Variants in NLRC3 observed in about 807,000 individuals in gnomAD.
The protein encoded by NLRC3 is NLR family CARD domain-containing protein 3.
Under a neutral mutation model 91.6 loss-of-function variants are expected in NLRC3, and 87 were observed. The observed-to-expected ratio is 0.95, with a 90% CI of 0.80 to 1.14. The LOEUF (loss-of-function observed/expected upper bound fraction) is 1.14, where lower values mean the gene tolerates loss of function less well. Among genes scored for constraint, NLRC3 ranks in the 50% most tolerant of loss-of-function variants. The pLI, the probability that NLRC3 is intolerant of heterozygous loss-of-function variation, is 0.00. For synonymous variants in NLRC3, 694 were observed against 625.3 expected, an observed-to-expected ratio of 1.11 and a Z score of -1.64; for missense variants, 1,577 against 1,418.6, an observed-to-expected ratio of 1.11 and a Z score of -1.79.
chr16:3,558,359 C>G (rs1270020716), intron 6 of NLRC3, among the ~76,000 whole-genome samples: 1 of 151,922 alleles, frequency 6.6e-6, no homozygotes, highest in Non-Finnish European at 1.5e-5. Flanking sequence ...AAAACAAATG[C>G]TAGCAAACTG....
At chr16:3,558,526 G>A (rs958634269) in intron 6 of NLRC3, among the ~76,000 whole-genome samples, 2 of 151,794 alleles carry the variant, frequency 1.3e-5, no homozygotes, top group African/African-American at 2.4e-5. Flanking sequence ...CTCTTTTCTA[G>A]TGCAAAATGG....
In NLRC3 at chr16:3,541,661, C is replaced by T. The variant is rs1567453603; in HGVS notation, c.*164G>A. On this transcript the variant is annotated 3_prime_UTR_variant, in exon 20 of 20. Coordinates refer to ENST00000359128, the MANE Select transcript of NLRC3 (RefSeq NM_178844.4). ...CCACTCCTGCAGCAGAAGAGGAGCT[C>T]ACGACCTCCTCCGGCAGCACCTCTC... 1.6e-6 allele frequency: 1 copy of T among 612,058 alleles called. No individual in the cohort carries two copies. The highest frequency in any genetic ancestry group is 2.9e-6 in the Non-Finnish European group (1 of 342,556). 37.9% of individuals were successfully genotyped at this position (612,058 alleles called of 1,614,324 possible).
In NLRC3 at chr16:3,563,231, T is replaced by G; in HGVS notation, c.1706A>C (p.His569Pro). The change falls in exon 5 of 20, where the codon CAC (histidine) becomes CCC (proline). Residue 569 changes from histidine to proline, a missense_variant. Physicochemically the swap from His to Pro is moderately conservative, Grantham distance 77. Coordinates refer to ENST00000359128, the MANE Select transcript of NLRC3 (RefSeq NM_178844.4). ...GGTGTGCTGCAGCTCATGCAGGCAG[T>G]GCAACACGTTGATGGCCCGTGCACA... The part of the protein sequence containing the change: ...AVCARAINVL[H>P]CLHELQHTEL... 6.2e-7 allele frequency: 1 copy of G among 1,604,640 alleles called. No individual in the cohort carries two copies. The highest frequency in any genetic ancestry group is 8.5e-7 in the Non-Finnish European group (1 of 1,177,848).
At chr16:3,575,626 A>G (rs1006328405) in intron 1 of NLRC3, among the ~76,000 whole-genome samples, 1 of 152,206 alleles carries the variant, frequency 6.6e-6, no homozygotes, top group Non-Finnish European at 1.5e-5. Flanking sequence ...GGTGAACCTG[A>G]GGCCTTCCTG....
chr16:3,542,292 G>C lies in NLRC3; in HGVS notation c.3024-18C>G, dbSNP rs1390549901. On this transcript the variant is annotated intron_variant, in intron 18 of 19. Coordinates refer to ENST00000359128, the MANE Select transcript of NLRC3 (RefSeq NM_178844.4). ...CTTGAAGACTAAGTGGAAAAGAGAT[G>C]GAGACACACGGTGAGCCATCAGGGC... 1.4e-6 allele frequency: 2 copies of C among 1,471,294 alleles called. No individual in the cohort carries two copies. The highest frequency in any genetic ancestry group is 1.9e-6 in the Non-Finnish European group (2 of 1,066,222). 91.1% of individuals were successfully genotyped at this position (1,471,294 alleles called of 1,614,324 possible). A position where few individuals can be genotyped will look rare whatever the true frequency, so the allele number is the denominator to read the frequency against.
At chr16:3,549,262 C>T (rs1567128202) in intron 12 of NLRC3, 37 bp from the exon 13 acceptor site, 3 of 1,465,566 alleles carry the variant, frequency 2.0e-6, no homozygotes, top group Non-Finnish European at 1.9e-6. Flanking sequence ...TCTGACCGGG[C>T]AGATGAGGTG....
At chr16:3,544,205 AG>A (rs1156548978) in intron 16 of NLRC3, 40 bp downstream of exon 16, 2 of 1,223,940 alleles carry the variant, frequency 1.6e-6, no homozygotes, top group Non-Finnish European at 2.4e-6. Context: ...AGGATGGCGA[AG>A]GGACCGGTTT....
At position 3,564,703 on chromosome 16, in the gene NLRC3, C is replaced by T. The variant is rs747375398; in HGVS notation, c.234G>A (p.Pro78=). ...GCCTGTGCCAGGGTCCGCCCAGCTC[C>T]GGGCCACCTCCCACCTTGCTCAGCA... ...KALLSKVGGG[P]ELGGPWHRLA... is the part of the protein sequence containing the mutation. Residue 78 remains proline, a synonymous_variant, in exon 5 of 20, where the codon CCG becomes CCA. Transcript: ENST00000359128. The surrounding 1 kb of genome is among the most constrained non-coding windows in gnomAD (Gnocchi z 5.9). 4.4e-6 allele frequency: 7 copies of T among 1,597,996 alleles called. No homozygotes were observed. The highest frequency in any genetic ancestry group is 5.9e-6 in the Non-Finnish European group (7 of 1,177,600).
rs754564709 is a variant in NLRC3, at chr16:3,548,772, G to C, written c.2604-19C>G. 1 of 1,564,630 alleles carries C rather than the reference G, an allele frequency of 6.4e-7. No homozygotes were observed. The highest frequency in any genetic ancestry group is 8.7e-7 in the Non-Finnish European group (1 of 1,148,008). ...TGTCAGGCTAGGAGGAAGGGAACAG[G>C]AGCAAGTGAGCCGGGGGCCGGCTGT... On this transcript the variant is annotated intron_variant, in intron 13 of 19. Transcript: ENST00000359128.
chr16:3,564,432 T>G lies in NLRC3; in HGVS notation c.505A>C (p.Lys169Gln), dbSNP rs371924644. The G allele has an allele frequency of 4.3e-6, 7 of 1,612,646 alleles. No individual in the cohort carries two copies. The African/African-American group carries it at 8.0e-5, about 18-fold the overall frequency. Residue 169 changes from lysine (K) to glutamine (Q), a missense_variant, in exon 5 of 20, where the codon AAG (lysine) becomes CAG (glutamine). By Grantham distance (53) the Lys-to-Gln change is moderately conservative. Coordinates refer to ENST00000359128, the MANE Select transcript of NLRC3 (RefSeq NM_178844.4). This position sits in a 1 kb window ranked among gnomAD's most constrained non-coding sequence, Gnocchi z 5.9. ...AGAGGCAGCACCAGCGAGAAGTCCT[T>G]GCCGACCTGCCCATGGGCCCAGAGG... ...VRLWAHGQVG[K>Q]DFSLVLPLTF...
rs2038540900 is a variant in NLRC3 at position 3,543,815 on chromosome 16, C to T, written c.2856-307G>A. ...GCCCCCAACTGCTAATATCATATTTCCTATATTAGGAAAATCAAACACACC... is the reference window on the plus strand; with the variant it reads ...GCCCCCAACTGCTAATATCATATTTTCTATATTAGGAAAATCAAACACACC... On this transcript the variant is annotated intron_variant, in intron 16 of 19. Transcript: ENST00000359128. 5 of 400,726 alleles carry T rather than the reference C, an allele frequency of 1.2e-5. No individual in the cohort carries two copies. The Admixed American group carries it at 1.5e-4, about 12-fold the overall frequency. The allele number at this position is 400,726 out of a possible 1,614,324, so 24.8% of individuals were successfully genotyped here.
chr16:3,563,866 CG>C lies in NLRC3; in HGVS notation c.1070del (p.Pro357ArgfsTer64). On this transcript the variant is annotated frameshift_variant, in exon 5 of 20. Transcript: ENST00000359128. LOFTEE classifies it high-confidence loss of function. ...ATGAGTAGAGCTCGCACAGGGTCCT[CG>C]GGGGCCACAGCTCTGCATCCTGGGG... ...TGPQDAELWP[P>X]RTLCELYSWY... 1 of 1,603,574 alleles carries C rather than the reference CG, an allele frequency of 6.2e-7. No individual in the cohort carries two copies. The highest frequency in any genetic ancestry group is 2.2e-5 in the East Asian group (1 of 44,760).
intron 14 of NLRC3, 89 bp downstream of exon 14, chr16:3,548,581 C>T: frequency 1.0e-6 from 1 of 1,000,550 alleles, no homozygotes; most frequent in Non-Finnish European, 1.5e-6. Flanking sequence ...TGTCCCCAAA[C>T]CAGGTGTGGC....
At chr16:3,567,650 T>C (rs1432268068) in intron 1 of NLRC3, among the ~76,000 whole-genome samples, 1 of 149,304 alleles carries the variant, frequency 6.7e-6, no homozygotes, top group Non-Finnish European at 1.5e-5. Flanking sequence ...TGGGCGCCTG[T>C]AATCCCAGGT....
In NLRC3 at chr16:3,561,697, G is replaced by A; in HGVS notation, c.2015+5C>T. 1 of 1,606,270 alleles carries A rather than the reference G, an allele frequency of 6.2e-7. No homozygotes were observed. The highest frequency in any genetic ancestry group is 8.5e-7 in the Non-Finnish European group (1 of 1,173,162). Reference sequence around the variant, plus strand: ...CACCCTGGAGGTCCCCTGGGTCTGTGTTACCTGATCTTCTGAATGCGACAG... The same window carrying A: ...CACCCTGGAGGTCCCCTGGGTCTGTATTACCTGATCTTCTGAATGCGACAG... On this transcript the variant is annotated splice_donor_5th_base_variant and intron_variant, in intron 6 of 19. Coordinates refer to ENST00000359128, the MANE Select transcript of NLRC3 (RefSeq NM_178844.4).
rs529565218 is a variant in NLRC3, at chr16:3,577,131, C to T, written c.-169+18G>A. 3 of 703,156 alleles carry T rather than the reference C, an allele frequency of 4.3e-6. No homozygotes were observed. In the South Asian group the frequency reaches 4.4e-5, roughly 10 times the overall value. The allele number at this position is 703,156 out of a possible 1,614,324, so 43.6% of individuals were successfully genotyped here. A position where few individuals can be genotyped will look rare whatever the true frequency, so the allele number is the denominator to read the frequency against. On this transcript the variant is annotated intron_variant, in intron 1 of 19. Coordinates refer to ENST00000359128, the MANE Select transcript of NLRC3 (RefSeq NM_178844.4). Reference sequence around the variant, plus strand: ...TCCCTCCCCTGCCCTGCACTGAGGTCACCTGGACCCAACTTACCTCCCGGG... The same window carrying T: ...TCCCTCCCCTGCCCTGCACTGAGGTTACCTGGACCCAACTTACCTCCCGGG...
intron 1 of NLRC3, among the ~76,000 whole-genome samples, chr16:3,576,026 C>T (rs766215647): frequency 1.3e-5 from 2 of 152,194 alleles, no homozygotes; most frequent in Non-Finnish European, 2.9e-5. Context: ...AGGGCCCTAC[C>T]CTGCTCACTG....
intron 18 of NLRC3, among the ~76,000 whole-genome samples, 165 bp from the exon 19 acceptor site, chr16:3,542,439 G>A (rs1488095648): frequency 6.6e-6 from 1 of 152,210 alleles, no homozygotes; most frequent in African/African-American, 2.4e-5. Context: ...GTGTCTACGA[G>A]TGGCCAGATT....
Position 3,548,697 on chromosome 16 carries a change from C to G in NLRC3, c.2660G>C (p.Arg887Thr), listed in dbSNP as rs779301280. Residue 887 changes from arginine to threonine, a missense_variant, in exon 14 of 20, where the codon AGA (arginine) becomes ACA (threonine). Transcript: ENST00000359128. ...AAGGGAGGTGAGGGTGCGGTTTTCT[C>G]TCACTGCCACTGCGATGGCCCGGGC... ...QGARAIAVAV[R>T]ENRTLTSLHL... 1.3e-6 allele frequency: 2 copies of G among 1,598,642 alleles called. No individual in the cohort carries two copies. The highest frequency in any genetic ancestry group is 1.7e-6 in the Non-Finnish European group (2 of 1,172,946).
Sources: allele counts gnomAD v4.1 joint callset (sites outside exome capture counted in the v4.1 genomes callset), GRCh38; gene constraint gnomAD v4.1.1; non-coding constraint Gnocchi (gnomAD v3.1); transcripts MANE v1.5; gene names NCBI Gene and HGNC (gene_info 2026-07-23, HGNC 2026-07-21).